The following SEMA3D variants were observed in gnomAD, a reference collection of about 807,000 sequenced individuals.
The protein encoded by SEMA3D is semaphorin 3D.
SEMA3D carries 84 observed loss-of-function variants against 100.1 expected under a neutral mutation model. That is an observed-to-expected ratio of 0.84 (90% CI 0.70 to 1.01). SEMA3D has a LOEUF of 1.01. Among genes scored for constraint, SEMA3D ranks in the 50% least tolerant of loss-of-function variants. The pLI is 0.00. For synonymous variants in SEMA3D, 312 were observed against 320.7 expected (o/e 0.97, Z 0.29); for missense variants, 875 against 934.1 (o/e 0.94, Z 0.82).
At chr7:85,179,610 G>A (rs1044677172) in intron 1 of SEMA3D, among the ~76,000 whole-genome samples, 3 of 151,760 alleles carry the variant, frequency 2.0e-5, no homozygotes, top group African/African-American at 7.3e-5. Flanking sequence ...GATTTTCCAG[G>A]TGCATATCTG....
chr7:85,172,802 C>T (rs993858231), intron 1 of SEMA3D, among the ~76,000 whole-genome samples: 7 of 152,030 alleles, frequency 4.6e-5, no homozygotes, highest in African/African-American at 1.4e-4. Flanking sequence ...CGTCTCTGGG[C>T]ATGAGACTGC....
At chr7:85,166,558 A>C (rs897082114) in intron 1 of SEMA3D, among the ~76,000 whole-genome samples, 2 of 152,140 alleles carry the variant, frequency 1.3e-5, no homozygotes, top group South Asian at 4.1e-4. Context: ...AACTCAATCC[A>C]CACAGTAATT....
At chr7:85,077,161 A>G (rs1405748498) in intron 5 of SEMA3D, among the ~76,000 whole-genome samples, 1 of 151,590 alleles carries the variant, frequency 6.6e-6, no homozygotes, top group Non-Finnish European at 1.5e-5. Flanking sequence ...ACTTCAAAAT[A>G]AAAATAGAAA....
chr7:85,099,579 T>C (rs1272040906), intron 3 of SEMA3D, among the ~76,000 whole-genome samples: 1 of 151,962 alleles, frequency 6.6e-6, no homozygotes. Context: ...TTGGGTCTTC[T>C]GTTTAGATTT....
intron 3 of SEMA3D, among the ~76,000 whole-genome samples, chr7:85,100,464 A>G (rs939372572): frequency 1.3e-5 from 2 of 151,918 alleles, no homozygotes; most frequent in African/African-American, 4.8e-5. Flanking sequence ...ATCCTAGAAT[A>G]CTGAATGCTA....
chr7:85,035,007 A>G (rs1236854706), intron 12 of SEMA3D, among the ~76,000 whole-genome samples: 1 of 152,090 alleles, frequency 6.6e-6, no homozygotes, highest in Non-Finnish European at 1.5e-5. Flanking sequence ...TATCAAAGAT[A>G]TATGAGATAT....
intron 9 of SEMA3D, among the ~76,000 whole-genome samples, chr7:85,048,238 C>T (rs916348446): frequency 6.6e-6 from 1 of 151,706 alleles, no homozygotes; most frequent in African/African-American, 2.4e-5. Context: ...TATAATAGAT[C>T]CCACAGCAAC....
chr7:85,145,053 G>T (rs1185084933), intron 2 of SEMA3D, among the ~76,000 whole-genome samples: 1 of 152,080 alleles, frequency 6.6e-6, no homozygotes, highest in African/African-American at 2.4e-5. Context: ...AATGTTTCAA[G>T]GGCTCTGAAT....
chr7:85,080,444 C>G (rs946678470), intron 5 of SEMA3D, among the ~76,000 whole-genome samples: 1 of 151,994 alleles, frequency 6.6e-6, no homozygotes, highest in Non-Finnish European at 1.5e-5. Context: ...TCTATTCATC[C>G]TTTCATATAA....
At chr7:85,116,119 A>G (rs1289010571) in intron 3 of SEMA3D, among the ~76,000 whole-genome samples, 6 of 151,372 alleles carry the variant, frequency 4.0e-5, no homozygotes, top group African/African-American at 1.5e-4. Flanking sequence ...AAGTGTCTGA[A>G]TAAGTACTTT....
At chr7:85,049,174 A>G (rs1791089596) in intron 9 of SEMA3D, among the ~76,000 whole-genome samples, 1 of 151,812 alleles carries the variant, frequency 6.6e-6, no homozygotes, top group East Asian at 1.9e-4. Context: ...AGAGGAGAAA[A>G]AAAAAGAACA....
At chr7:85,142,254 T>A in intron 2 of SEMA3D, 1 of 982,164 alleles carries the variant, frequency 1.0e-6, no homozygotes, top group Non-Finnish European at 1.2e-6. Context: ...TATAATAAAT[T>A]TTTGAACCAA....
intron 1 of SEMA3D, among the ~76,000 whole-genome samples, chr7:85,172,219 T>A (rs1026528000): frequency 1.3e-5 from 2 of 151,972 alleles, no homozygotes; most frequent in African/African-American, 4.8e-5. Flanking sequence ...GAGTAATTCT[T>A]ATGTATCCTA....
chr7:85,225,086 AT>A, the SEMA3D span, among the ~76,000 whole-genome samples: 6 of 16,940 alleles, frequency 3.5e-4, no homozygotes, highest in African/African-American at 3.6e-4. Flanking sequence ...ATATATATAT[AT>A]ATATATATAT....
chr7:85,039,486 T>C (rs560396865), intron 11 of SEMA3D, among the ~76,000 whole-genome samples: 1 of 152,304 alleles, frequency 6.6e-6, no homozygotes, highest in African/African-American at 2.4e-5. Context: ...CTCAAATTCC[T>C]GACCTCAGAT....
At chr7:85,224,380 G>A in the SEMA3D span, among the ~76,000 whole-genome samples, 8 of 152,296 alleles carry the variant, frequency 5.3e-5, no homozygotes, top group South Asian at 2.1e-4. Context: ...ACAATTCGTC[G>A]TCTTGGATAA....
intron 1 of SEMA3D, among the ~76,000 whole-genome samples, chr7:85,156,000 T>C (rs1465010680): frequency 6.6e-6 from 1 of 152,166 alleles, no homozygotes. Context: ...TTCTGATAAT[T>C]GTTAGTTTTA....
chr7:85,178,327 G>T (rs1007813810), intron 1 of SEMA3D, among the ~76,000 whole-genome samples: 43 of 152,214 alleles, frequency 2.8e-4, no homozygotes, highest in Non-Finnish European at 3.8e-4. Flanking sequence ...GGTGTGAAGG[G>T]CTCAGAAGAA....
At chr7:85,073,134 AT>A in intron 5 of SEMA3D, 53 bp from the exon 6 acceptor site, 1 of 1,522,270 alleles carries the variant, frequency 6.6e-7, no homozygotes. Flanking sequence ...TTTTTGAAAT[AT>A]TATCATTTAT....
Sources: allele counts gnomAD v4.1 joint callset (sites outside exome capture counted in the v4.1 genomes callset), GRCh38; gene constraint gnomAD v4.1.1; transcripts MANE v1.5; gene names NCBI Gene and HGNC (gene_info 2026-07-23, HGNC 2026-07-21).